Variants in MEDAG observed in about 807,000 individuals in gnomAD.
The protein encoded by MEDAG is mesenteric estrogen-dependent adipogenesis protein.
Under a neutral mutation model 29.9 loss-of-function variants are expected in MEDAG, and 25 were observed. That is an observed-to-expected ratio of 0.84 (90% CI 0.61 to 1.17). The LOEUF (loss-of-function observed/expected upper bound fraction) is 1.17, where lower values mean the gene tolerates loss of function less well. Ranked by LOEUF, MEDAG falls within the 50% of genes most tolerant of loss-of-function variation. The pLI is 0.00. For synonymous variants in MEDAG, 158 were observed against 148.2 expected (o/e 1.07, Z -0.48); for missense variants, 398 against 372.9 (o/e 1.07, Z -0.56).
intron 1 of MEDAG, among the ~76,000 whole-genome samples, chr13:30,915,603 A>AT (rs962442045): frequency 5.3e-5 from 8 of 152,096 alleles, no homozygotes; most frequent in Non-Finnish European, 8.8e-5. Flanking sequence ...GTCAACTGGG[A>AT]TAAAAAAAAG....
chr13:30,906,507 G>A lies in MEDAG; in HGVS notation c.-9G>A. ...GGAAGCAGGCGGTGTGAGGACCGAC[G>A]ACGCGGGCATGGCGGGGGCGGCCTG... On this transcript the variant is annotated 5_prime_UTR_variant, in exon 1 of 5. Transcript: ENST00000380482. 6.6e-7 allele frequency: 1 copy of A among 1,507,046 alleles called. No individual in the cohort carries two copies. The highest frequency in any genetic ancestry group is 8.8e-7 in the Non-Finnish European group (1 of 1,135,186). The allele number at this position is 1,507,046 out of a possible 1,614,324, so 93.4% of individuals were successfully genotyped here. A position where few individuals can be genotyped will look rare whatever the true frequency, so the allele number is the denominator to read the frequency against.
chr13:30,924,161 A>G, intron 4 of MEDAG, 150 bp from the exon 5 acceptor site: 2 of 796,554 alleles, frequency 2.5e-6, no homozygotes, highest in Non-Finnish European at 3.8e-6. Flanking sequence ...AAAGCAACAC[A>G]TTTCTGTTTA....
rs763531328 is a variant in MEDAG at position 30,924,394 on chromosome 13, A to G, written c.871A>G (p.Ser291Gly). Residue 291 changes from serine to glycine, a missense_variant, in exon 5 of 5, where the codon AGT (serine) becomes GGT (glycine). By Grantham distance (56) the Ser-to-Gly change is moderately conservative. Coordinates refer to ENST00000380482, the MANE Select transcript of MEDAG (RefSeq NM_032849.4). ...TCTTTTGGCAGAATTACCATTTCCA[A>G]GTGTTCTGGAATCTGAAGAGACACC... ...EPLLAELPFP[S>G]VLESEETPNQ... 7 of 1,614,064 alleles carry G rather than the reference A, an allele frequency of 4.3e-6. No individual in the cohort carries two copies. Among genetic ancestry groups the G allele is most frequent in the Non-Finnish European group, 5.1e-6 (6 of 1,180,014 alleles).
At position 30,924,582 on chromosome 13, in the gene MEDAG, T is replaced by C. The variant is rs553601448; in HGVS notation, c.*147T>C. 8.0e-6 allele frequency: 6 copies of C among 749,094 alleles called. No homozygotes were observed. In the African/African-American group the frequency reaches 8.8e-5, roughly 11 times the overall value. 46.4% of individuals were successfully genotyped at this position (749,094 alleles called of 1,614,324 possible). On this transcript the variant is annotated 3_prime_UTR_variant, in exon 5 of 5. Transcript: ENST00000380482. ...ATGGCTTCTATGGAGGACTCCTCTC[T>C]TCTGCTTCTGTGGATGTGATGCCCT...
chr13:30,923,043 C>G (rs1054646827), intron 4 of MEDAG, among the ~76,000 whole-genome samples: 4 of 152,156 alleles, frequency 2.6e-5, no homozygotes, highest in African/African-American at 9.7e-5. Flanking sequence ...GTCTCAGCCT[C>G]CCAAGTAGCT....
At chr13:30,917,867 A>C (rs1952944637) in intron 2 of MEDAG, among the ~76,000 whole-genome samples, 1 of 152,220 alleles carries the variant, frequency 6.6e-6, no homozygotes, top group Non-Finnish European at 1.5e-5. Context: ...ACAGTTTGAC[A>C]TGAGATTTGG....
In MEDAG at chr13:30,921,034, G is replaced by A; in HGVS notation, c.409G>A (p.Val137Ile). The change falls in exon 3 of 5, where the codon GTA becomes ATA. Residue 137 changes from valine (V) to isoleucine (I), a missense_variant. Physicochemically the swap from Val to Ile is conservative, Grantham distance 29 (BLOSUM62 3). Coordinates refer to ENST00000380482, the MANE Select transcript of MEDAG (RefSeq NM_032849.4). ...TSKERTYAFL[V>I]NTRHPKIRRQ... ...TCTAGAAAGGACGTACGCGTTTCTTGTAAACACGAGGCACCCCAAGATAAG... is the reference window on the plus strand; with the variant it reads ...TCTAGAAAGGACGTACGCGTTTCTTATAAACACGAGGCACCCCAAGATAAG... The A allele has an allele frequency of 6.2e-7, 1 of 1,613,978 alleles. No homozygotes were observed.
chr13:30,924,325 GT>G lies in MEDAG; in HGVS notation c.807del (p.Phe269LeufsTer11), dbSNP rs758005318. The G allele has an allele frequency of 4.3e-6, 7 of 1,613,386 alleles. No homozygotes were observed. Among genetic ancestry groups the G allele is most frequent in the Non-Finnish European group, 5.9e-6 (7 of 1,179,670 alleles). ...CTGTTTTTTAGGTTCAATAGATGAT[GT>G]TTTTAACTGCAATCTGTCACCCAGA... Reference protein sequence around the residue: ...SVTSRGSIDDVFNCNLSPRSS... With the variant: ...SVTSRGSIDDXFNCNLSPRSS... On this transcript the variant is annotated frameshift_variant, in exon 5 of 5. Coordinates refer to ENST00000380482, the MANE Select transcript of MEDAG (RefSeq NM_032849.4). LOFTEE classifies it high-confidence loss of function.
rs985492610 is a variant in MEDAG at position 30,925,398 on chromosome 13, T to C, written c.*963T>C. On this transcript the variant is annotated 3_prime_UTR_variant, in exon 5 of 5. Coordinates refer to ENST00000380482, the MANE Select transcript of MEDAG (RefSeq NM_032849.4). ...ATATGCTTATAATGAGGAAGAGTTA[T>C]GGGTCCTGAGTGTAATTTTTTATCC... 2 of 152,226 alleles carry C rather than the reference T, an allele frequency of 1.3e-5. No homozygotes were observed. Among genetic ancestry groups the C allele is most frequent in the African/African-American group, 4.8e-5 (2 of 41,462 alleles). 9.4% of individuals were successfully genotyped at this position (152,226 alleles called of 1,614,324 possible).
At chr13:30,907,013 T>C (rs1952837635) in intron 1 of MEDAG, among the ~76,000 whole-genome samples, 1 of 152,210 alleles carries the variant, frequency 6.6e-6, no homozygotes, top group Admixed American at 6.5e-5. Context: ...CAGCTGCTGC[T>C]TGAAGCCGCC....
intron 1 of MEDAG, among the ~76,000 whole-genome samples, chr13:30,911,461 C>T (rs556993791): frequency 6.6e-5 from 10 of 152,218 alleles, no homozygotes; most frequent in South Asian, 2.1e-4. Flanking sequence ...TGCCTGCCTG[C>T]GTGCAGCCAC....
intron 1 of MEDAG, among the ~76,000 whole-genome samples, chr13:30,910,193 A>C (rs73165053): frequency 2.7e-5 from 4 of 149,168 alleles, no homozygotes; most frequent in African/African-American, 5.0e-5. Context: ...CACACACACA[A>C]ACACACACAC....
intron 1 of MEDAG, among the ~76,000 whole-genome samples, chr13:30,911,850 A>T (rs1952885077): frequency 6.6e-6 from 1 of 152,152 alleles, no homozygotes; most frequent in Non-Finnish European, 1.5e-5. Flanking sequence ...ATTCTGATTT[A>T]TTATGGGGGG....
At position 30,908,130 on chromosome 13, in the gene MEDAG, T is replaced by G. The variant is rs541345975; in HGVS notation, c.278+1337T>G. 2.3e-4 allele frequency among the ~76,000 whole-genome samples: 35 copies of G among 152,340 alleles called. No homozygotes were observed. The South Asian group carries it at 6.8e-3, about 30-fold the overall frequency. On this transcript the variant is annotated intron_variant, in intron 1 of 4. Coordinates refer to ENST00000380482, the MANE Select transcript of MEDAG (RefSeq NM_032849.4). ...TTTTGACAGAACCAGTTCTCCTAAT[T>G]GTAGCAAACAGTGCTGCAGAATCTG...
intron 2 of MEDAG, 94 bp from the exon 3 acceptor site, chr13:30,920,920 A>G (rs1359556810): frequency 1.1e-6 from 1 of 930,160 alleles, no homozygotes; most frequent in Non-Finnish European, 1.7e-6. Context: ...AAAATCTTCA[A>G]AGGAGGTGGG....
Position 30,925,004 on chromosome 13 carries a change from A to G in MEDAG, c.*569A>G, listed in dbSNP as rs1224062958. The G allele has an allele frequency of 6.6e-6, 1 of 152,354 alleles. No individual in the cohort carries two copies. The highest frequency in any genetic ancestry group is 1.9e-4 in the East Asian group (1 of 5,184). 9.4% of individuals were successfully genotyped at this position (152,354 alleles called of 1,614,324 possible). On this transcript the variant is annotated 3_prime_UTR_variant, in exon 5 of 5. Transcript: ENST00000380482. ...TTTTTCATCCTGCCATATGACACCTATGAGAAACGTTCACAGTGAGGAGTA... is the reference window on the plus strand; with the variant it reads ...TTTTTCATCCTGCCATATGACACCTGTGAGAAACGTTCACAGTGAGGAGTA...
chr13:30,908,510 C>A (rs1952850620), intron 1 of MEDAG, among the ~76,000 whole-genome samples: 1 of 152,168 alleles, frequency 6.6e-6, no homozygotes, highest in Non-Finnish European at 1.5e-5. Flanking sequence ...TGGAGACAGC[C>A]TTCCAGGCAG....
At position 30,924,438 on chromosome 13, in the gene MEDAG, GA is replaced by G; in HGVS notation, c.*5del. 1 of 1,613,794 alleles carries G rather than the reference GA, an allele frequency of 6.2e-7. No homozygotes were observed. The highest frequency in any genetic ancestry group is 8.5e-7 in the Non-Finnish European group (1 of 1,179,882). On this transcript the variant is annotated 3_prime_UTR_variant, in exon 5 of 5. Coordinates refer to ENST00000380482, the MANE Select transcript of MEDAG (RefSeq NM_032849.4). Reference sequence around the variant, plus strand: ...AGACACCCAACCAATTTATCTGATTGAACTGAACATTGTAGCAGTTGCTCCC... The same window carrying G: ...AGACACCCAACCAATTTATCTGATTGACTGAACATTGTAGCAGTTGCTCCC...
At chr13:30,914,783 C>T (rs1257407362) in intron 1 of MEDAG, among the ~76,000 whole-genome samples, 1 of 152,162 alleles carries the variant, frequency 6.6e-6, no homozygotes, top group African/African-American at 2.4e-5. Context: ...GGATGTCAAT[C>T]AATTTTGTAC....
Sources: allele counts gnomAD v4.1 joint callset (sites outside exome capture counted in the v4.1 genomes callset), GRCh38; gene constraint gnomAD v4.1.1; transcripts MANE v1.5; gene names NCBI Gene and HGNC (gene_info 2026-07-23, HGNC 2026-07-21).